XKR6: variants seen among roughly 807,000 people sequenced by gnomAD.
XKR6 encodes XK related 6, also known as XK-related protein 6.
In XKR6, 22 loss-of-function variants were observed where a neutral mutation model predicts 56.7. The ratio of observed to expected loss-of-function variants is 0.39; its 90% CI spans 0.28 to 0.55. XKR6 has a LOEUF of 0.55. Among genes scored for constraint, XKR6 ranks in the 20% least tolerant of loss-of-function variants. The probability of loss-of-function intolerance (pLI) is 0.66; values close to 1 mark genes in which losing one functional copy is unlikely to be tolerated. For synonymous variants in XKR6, 524 were observed against 387.8 expected (o/e 1.35, Z -4.13); for missense variants, 852 against 889.0 (o/e 0.96, Z 0.53).
At chr8:11,184,388 T>TACACAC (rs6150466) in intron 1 of XKR6, among the ~76,000 whole-genome samples, 120 of 146,248 alleles carry the variant, frequency 8.2e-4, no homozygotes, top group African/African-American at 2.3e-3. Context: ...TATACACACA[T>TACACAC]ACACACACAC....
At chr8:10,928,127 C>T (rs1426761702) in intron 1 of XKR6, among the ~76,000 whole-genome samples, 2 of 151,186 alleles carry the variant, frequency 1.3e-5, no homozygotes, top group African/African-American at 4.8e-5. Flanking sequence ...TCTAGTCCAA[C>T]CCCCACTTTA....
At chr8:10,954,321 A>G (rs1801811939) in intron 1 of XKR6, among the ~76,000 whole-genome samples, 2 of 152,242 alleles carry the variant, frequency 1.3e-5, no homozygotes, top group African/African-American at 4.8e-5. Context: ...CATCCTTGTC[A>G]ACACTTGTTA....
chr8:10,904,699 A>G (rs1412887437), intron 2 of XKR6, among the ~76,000 whole-genome samples: 1 of 152,126 alleles, frequency 6.6e-6, no homozygotes, highest in East Asian at 1.9e-4. Context: ...GCCCCGACAC[A>G]TCTCCAATAA....
At chr8:11,168,485 G>C (rs572181316) in intron 1 of XKR6, among the ~76,000 whole-genome samples, 4 of 152,144 alleles carry the variant, frequency 2.6e-5, no homozygotes, top group African/African-American at 9.6e-5. Flanking sequence ...ACAGATAGAA[G>C]AACTTGACAA....
intron 1 of XKR6, among the ~76,000 whole-genome samples, chr8:11,016,606 C>T (rs1418523215): frequency 6.6e-6 from 1 of 152,206 alleles, no homozygotes; most frequent in African/African-American, 2.4e-5. Context: ...GGCTGCAGCG[C>T]GGGCCCTCGG....
chr8:10,951,501 C>T (rs901708549), intron 1 of XKR6, among the ~76,000 whole-genome samples: 1 of 152,248 alleles, frequency 6.6e-6, no homozygotes, highest in South Asian at 2.1e-4. Flanking sequence ...TAGTCCCAAA[C>T]AGCAGCAGTG....
chr8:11,119,655 C>A (rs1042332556), intron 1 of XKR6, among the ~76,000 whole-genome samples: 4 of 152,054 alleles, frequency 2.6e-5, no homozygotes, highest in African/African-American at 9.7e-5. Flanking sequence ...TTTCTATTTA[C>A]TTGGTAGATC....
intron 2 of XKR6, among the ~76,000 whole-genome samples, chr8:10,907,174 G>A (rs867970158): frequency 3.9e-5 from 6 of 152,314 alleles, no homozygotes; most frequent in Admixed American, 6.5e-5. Context: ...AAGACTGATC[G>A]AAGTGATCTG....
intron 1 of XKR6, among the ~76,000 whole-genome samples, chr8:10,927,933 A>G (rs1800943551): frequency 6.6e-6 from 1 of 152,136 alleles, no homozygotes; most frequent in African/African-American, 2.4e-5. Context: ...CACCTCTGGG[A>G]CTGTAGTAGG....
At chr8:10,973,635 A>G (rs914126243) in intron 1 of XKR6, among the ~76,000 whole-genome samples, 1 of 151,944 alleles carries the variant, frequency 6.6e-6, no homozygotes, top group Non-Finnish European at 1.5e-5. Context: ...GCCGGAGTGC[A>G]GTGGAACCGT....
At chr8:10,985,228 G>T (rs887074712) in intron 1 of XKR6, among the ~76,000 whole-genome samples, 1 of 152,118 alleles carries the variant, frequency 6.6e-6, no homozygotes, top group Non-Finnish European at 1.5e-5. Flanking sequence ...CTGGTGGGAG[G>T]TAATTGAATC....
At chr8:11,167,681 C>G in intron 1 of XKR6, among the ~76,000 whole-genome samples, 1 of 152,078 alleles carries the variant, frequency 6.6e-6, no homozygotes, top group Non-Finnish European at 1.5e-5. Context: ...GCTTTTTCAC[C>G]TTAGGCTAAA....
chr8:11,185,261 T>C (rs182986920), intron 1 of XKR6, among the ~76,000 whole-genome samples: 152 of 152,326 alleles, frequency 1.0e-3, no homozygotes, highest in Non-Finnish European at 1.3e-3. Context: ...TAATCTTTCT[T>C]AAATATAGGT....
chr8:11,064,048 C>T (rs1202097102), intron 1 of XKR6, among the ~76,000 whole-genome samples: 2 of 152,188 alleles, frequency 1.3e-5, no homozygotes, highest in Non-Finnish European at 2.9e-5. Context: ...TCCATCAGTC[C>T]TTCCCTTTCT....
At chr8:11,113,146 G>C (rs955193467) in intron 1 of XKR6, among the ~76,000 whole-genome samples, 1 of 152,180 alleles carries the variant, frequency 6.6e-6, no homozygotes, top group South Asian at 2.1e-4. Context: ...AAGTAAATCT[G>C]TGATACTATA....
chr8:10,974,102 C>G (rs574116805), intron 1 of XKR6, among the ~76,000 whole-genome samples: 5 of 152,326 alleles, frequency 3.3e-5, no homozygotes, highest in South Asian at 4.2e-4. Flanking sequence ...GATCTCTTGT[C>G]ATTCTCTCTC....
intron 2 of XKR6, among the ~76,000 whole-genome samples, chr8:10,899,481 T>C (rs1799976902): frequency 6.6e-6 from 1 of 152,204 alleles, no homozygotes; most frequent in Non-Finnish European, 1.5e-5. Context: ...TCCAGTTAGC[T>C]TCTCCCTGAC....
At chr8:11,156,458 T>G (rs1303037010) in intron 1 of XKR6, among the ~76,000 whole-genome samples, 1 of 152,184 alleles carries the variant, frequency 6.6e-6, no homozygotes, top group Non-Finnish European at 1.5e-5. Context: ...GACATTACAT[T>G]AACTGAAATC....
chr8:11,003,227 T>C (rs1196767335), intron 1 of XKR6, among the ~76,000 whole-genome samples: 2 of 152,204 alleles, frequency 1.3e-5, no homozygotes, highest in Non-Finnish European at 2.9e-5. Flanking sequence ...CACCTGGCAT[T>C]GTAGTGATCA....
Sources: allele counts gnomAD v4.1 joint callset (sites outside exome capture counted in the v4.1 genomes callset), GRCh38; gene constraint gnomAD v4.1.1; transcripts MANE v1.5; gene names NCBI Gene and HGNC (gene_info 2026-07-23, HGNC 2026-07-21).